HORMAD1: variants seen among roughly 807,000 people sequenced by gnomAD.
HORMAD1 encodes the protein HORMA domain-containing protein 1.
A neutral mutation model predicts 58.2 loss-of-function variants in HORMAD1; 33 were observed. The ratio of observed to expected loss-of-function variants is 0.57; its 90% CI spans 0.43 to 0.76. The LOEUF is 0.76. HORMAD1 is among the 30% of genes least tolerant of loss of function. The pLI, the probability that HORMAD1 is intolerant of heterozygous loss-of-function variation, is 0.00. For missense variants in HORMAD1, 363 were observed against 462.0 expected, an observed-to-expected ratio of 0.79 and a Z score of 1.96; for synonymous variants, 137 against 144.6, an observed-to-expected ratio of 0.95 and a Z score of 0.38.
rs587700760 is a variant in HORMAD1 at position 150,699,987 on chromosome 1, A to G, written c.1104+125T>C. On this transcript the variant is annotated intron_variant, in intron 14 of 14. Coordinates refer to ENST00000361824, the MANE Select transcript of HORMAD1 (RefSeq NM_032132.5). ...TTAGAACAAAATATATTTAAACAAA[A>G]TTTGAATATCAGAACTCTCAGGTAC... 23 of 501,188 alleles carry G rather than the reference A, an allele frequency of 4.6e-5. No homozygotes were observed. In the East Asian group the frequency reaches 7.6e-4, roughly 17 times the overall value. The allele number at this position is 501,188 out of a possible 1,614,324, so 31.0% of individuals were successfully genotyped here.
At chr1:150,720,725 G>C (rs1028425178) in intron 1 of HORMAD1, 79 bp downstream of exon 1, 5 of 152,172 alleles carry the variant, frequency 3.3e-5, no homozygotes, top group African/African-American at 1.2e-4. Flanking sequence ...TAAAAGTAGG[G>C]GGAAGCTGAC....
chr1:150,714,153 C>T, intron 4 of HORMAD1, 32 bp from the exon 5 acceptor site: 1 of 1,307,522 alleles, frequency 7.6e-7, no homozygotes, highest in Non-Finnish European at 1.1e-6. Context: ...CATTTTTAGA[C>T]TGAATGCATT....
At chr1:150,699,906 A>G (rs1006971312) in intron 14 of HORMAD1, among the ~76,000 whole-genome samples, 5 of 152,148 alleles carry the variant, frequency 3.3e-5, no homozygotes, top group Admixed American at 6.6e-5. Flanking sequence ...AGATGTTTAC[A>G]TGGAAAAAAC....
In HORMAD1 at chr1:150,708,327, A is replaced by G. The variant is rs780942700; in HGVS notation, c.476T>C (p.Ile159Thr). 1 of 1,611,572 alleles carries G rather than the reference A, an allele frequency of 6.2e-7. No individual in the cohort carries two copies. The highest frequency in any genetic ancestry group is 2.2e-5 in the East Asian group (1 of 44,666). The change falls in exon 9 of 15, where the codon ATC becomes ACC. Residue 159 changes from isoleucine (I) to threonine (T), a missense_variant. Physicochemically the swap from Ile to Thr is moderately conservative, Grantham distance 89 (BLOSUM62 -1). This residue lies in a region of HORMAD1 where 9 missense variants were observed against 32.4 expected (regional missense o/e 0.28). Coordinates refer to ENST00000361824, the MANE Select transcript of HORMAD1 (RefSeq NM_032132.5). Reference protein sequence around the residue: ...ASILLIRKIYILMQNLGPLPN... With the variant: ...ASILLIRKIYTLMQNLGPLPN... The stretch of plus-strand genomic sequence containing the variant: ...TAAAGGCCCCAGATTTTGCATTAGG[A>G]TATAAATCTTGCGAATGAGGAGAAT...
chr1:150,715,851 G>A (rs1351267256), intron 3 of HORMAD1, among the ~76,000 whole-genome samples: 1 of 151,756 alleles, frequency 6.6e-6, no homozygotes, highest in Non-Finnish European at 1.5e-5. Context: ...TTGAGAAACT[G>A]AGGAAAAATT....
Position 150,698,554 on chromosome 1 carries a change from A to T in HORMAD1, c.*100T>A. The T allele has an allele frequency of 1.7e-6, 1 of 576,762 alleles. No homozygotes were observed. The highest frequency in any genetic ancestry group is 3.0e-6 in the Non-Finnish European group (1 of 335,130). The allele number at this position is 576,762 out of a possible 1,614,324, so 35.7% of individuals were successfully genotyped here. On this transcript the variant is annotated 3_prime_UTR_variant, in exon 15 of 15. Coordinates refer to ENST00000361824, the MANE Select transcript of HORMAD1 (RefSeq NM_032132.5). ...TTAGTTTTAGTGTACAAACTGCTTT[A>T]AACTACATATACATCTTCAGAGTTA... is the stretch of plus-strand genomic sequence containing the variant.
intron 5 of HORMAD1, among the ~76,000 whole-genome samples, 159 bp from the exon 6 acceptor site, chr1:150,712,012 C>A (rs1272980566): frequency 6.6e-6 from 1 of 152,098 alleles, no homozygotes; most frequent in Non-Finnish European, 1.5e-5. Flanking sequence ...TAATGCAGTA[C>A]CTTAGATATG....
At chr1:150,702,466 T>C (rs1651567021) in intron 13 of HORMAD1, among the ~76,000 whole-genome samples, 1 of 152,160 alleles carries the variant, frequency 6.6e-6, no homozygotes. Context: ...CAAAGATACA[T>C]GCACCTGTAT....
chr1:150,716,248 C>G (rs761532519), intron 3 of HORMAD1, among the ~76,000 whole-genome samples: 1 of 149,042 alleles, frequency 6.7e-6, no homozygotes, highest in Non-Finnish European at 1.5e-5. Flanking sequence ...CTGCAACCTC[C>G]GCCTCCCGGG....
At position 150,704,198 on chromosome 1, in the gene HORMAD1, TAAA is replaced by T. The variant is rs367543855; in HGVS notation, c.872-7_872-5del. 1,758 of 1,415,538 alleles carry T rather than the reference TAAA, an allele frequency of 1.2e-3. No homozygotes were observed. The highest frequency in any genetic ancestry group is 3.2e-3 in the Admixed American group (122 of 38,686). 87.7% of individuals were successfully genotyped at this position (1,415,538 alleles called of 1,614,324 possible). ...TCCTCACAAACTAAACTTGGTTCTG[TAAA>T]AAAAAAAAAAAAAAGTTACCCGGGT... On this transcript the variant is annotated splice_polypyrimidine_tract_variant and splice_region_variant and intron_variant, in intron 11 of 14. Coordinates refer to ENST00000361824, the MANE Select transcript of HORMAD1 (RefSeq NM_032132.5).
At chr1:150,709,941 A>T (rs182184029) in intron 7 of HORMAD1, among the ~76,000 whole-genome samples, 2,391 of 152,230 alleles carry the variant, frequency 0.016, 35 homozygotes, top group Non-Finnish European at 0.025. Context: ...CATAGATTCT[A>T]TTGCTCACAT....
At chr1:150,718,438 CCTCAG>C (rs964498356) in intron 2 of HORMAD1, among the ~76,000 whole-genome samples, 1 of 151,288 alleles carries the variant, frequency 6.6e-6, no homozygotes, top group African/African-American at 2.4e-5. Context: ...CTCACCTCAG[CCTCAG>C]CTCAAAAAGT....
chr1:150,700,109 T>G lies in HORMAD1; in HGVS notation c.1104+3A>C. ...TCAAACTATACATTATCATAAGACT[T>G]ACTATTCTCCCAGATTCATGTTGAC... On this transcript the variant is annotated splice_donor_region_variant and intron_variant, in intron 14 of 14. Transcript: ENST00000361824. 7.1e-7 allele frequency: 1 copy of G among 1,413,390 alleles called. No individual in the cohort carries two copies. The highest frequency in any genetic ancestry group is 1.0e-6 in the Non-Finnish European group (1 of 997,744). 87.6% of individuals were successfully genotyped at this position (1,413,390 alleles called of 1,614,324 possible).
chr1:150,706,211 C>A lies in HORMAD1; in HGVS notation c.804+342G>T, dbSNP rs368715890. ...TTGTAGAAAAGATTCCATCATTAGC[C>A]GGGAGTTAGACTAGTGCAATGCTTT... On this transcript the variant is annotated intron_variant, in intron 10 of 14. Coordinates refer to ENST00000361824, the MANE Select transcript of HORMAD1 (RefSeq NM_032132.5). 2.0e-5 allele frequency among the ~76,000 whole-genome samples: 3 copies of A among 152,140 alleles called. No individual in the cohort carries two copies. In the East Asian group the frequency reaches 5.8e-4, roughly 29 times the overall value.
At chr1:150,703,971 T>A in intron 12 of HORMAD1, 147 bp downstream of exon 12, 1 of 575,822 alleles carries the variant, frequency 1.7e-6, no homozygotes, top group Non-Finnish European at 3.0e-6. Flanking sequence ...ACATATAATT[T>A]CCAGATTTAG....
intron 7 of HORMAD1, among the ~76,000 whole-genome samples, chr1:150,709,742 A>G (rs751885719): frequency 2.6e-5 from 4 of 152,306 alleles, no homozygotes; most frequent in Middle Eastern, 3.4e-3. Context: ...ATGTCTCGGT[A>G]TAAAACCCGA....
At chr1:150,701,583 T>C (rs934243109) in intron 13 of HORMAD1, among the ~76,000 whole-genome samples, 3 of 152,212 alleles carry the variant, frequency 2.0e-5, no homozygotes, top group South Asian at 4.1e-4. Flanking sequence ...GGAATAAATG[T>C]TCTAGCACAC....
At chr1:150,700,575 A>T (rs925959162) in intron 13 of HORMAD1, among the ~76,000 whole-genome samples, 1 of 152,134 alleles carries the variant, frequency 6.6e-6, no homozygotes, top group Non-Finnish European at 1.5e-5. Context: ...ACTACAATCA[A>T]TTTTACATCA....
chr1:150,708,742 T>C (rs1651772457), intron 8 of HORMAD1, 152 bp downstream of exon 8: 1 of 544,170 alleles, frequency 1.8e-6, no homozygotes, highest in Non-Finnish European at 3.2e-6. Context: ...TTGAAGCTAC[T>C]GCAAGCCACC....
Sources: gnomAD v4.1 joint callset for allele counts (sites outside exome capture counted in the v4.1 genomes callset) on GRCh38, gnomAD v4.1.1 for gene constraint, gnomAD v4.1.1 regional missense constraint, MANE v1.5 for transcripts, NCBI Gene and HGNC (gene_info 2026-07-23, HGNC 2026-07-21) for gene names.